Variants in SPTB observed in about 807,000 individuals in gnomAD.
SPTB encodes spectrin beta chain, erythrocytic.
Under a neutral mutation model 256.2 loss-of-function variants are expected in SPTB, and 45 were observed. The observed-to-expected ratio is 0.18, with a 90% CI of 0.14 to 0.23. The LOEUF (loss-of-function observed/expected upper bound fraction) is 0.23. Among genes scored for constraint, SPTB ranks in the 10% least tolerant of loss-of-function variants. The pLI is 1.00. For synonymous variants in SPTB, 1,231 were observed against 1,243.1 expected, an observed-to-expected ratio of 0.99 and a Z score of 0.21; for missense variants, 2,715 against 3,040.4, an observed-to-expected ratio of 0.89 and a Z score of 2.52.
intron 1 of SPTB, among the ~76,000 whole-genome samples, chr14:64,850,415 G>C (rs926991486): frequency 6.6e-6 from 1 of 152,154 alleles, no homozygotes; most frequent in African/African-American, 2.4e-5. Flanking sequence ...CCTCAGACTT[G>C]ATTTTTCAAA....
rs2269309 is a variant in SPTB at position 64,778,167 on chromosome 14, C to T, written c.4563+990G>A. On this transcript the variant is annotated intron_variant, in intron 22 of 35. Coordinates refer to ENST00000644917, the MANE Select transcript of SPTB (RefSeq NM_001355436.2). This position sits in a 1 kb window ranked among gnomAD's most constrained non-coding sequence, Gnocchi z 5.2. ...GCCTCTGCGACTAGATCATGTCAAC[C>T]AGAAGCAAAGGGCCTAAGGCAGCTT... is the stretch of plus-strand genomic sequence containing the variant. Among the ~76,000 whole-genome samples, 26 of 152,288 alleles carry T rather than the reference C, an allele frequency of 1.7e-4. No homozygotes were observed. In the East Asian group the frequency reaches 4.6e-3, roughly 27 times the overall value.
chr14:64,872,633 C>T (rs1377282441), intron 1 of SPTB, among the ~76,000 whole-genome samples: 1 of 152,238 alleles, frequency 6.6e-6, no homozygotes, highest in Non-Finnish European at 1.5e-5. Flanking sequence ...ATTGCTTGGA[C>T]ACAGCAGTGG....
intron 2 of SPTB, among the ~76,000 whole-genome samples, chr14:64,817,602 C>G (rs1231726590): frequency 6.6e-6 from 1 of 152,224 alleles, no homozygotes; most frequent in Admixed American, 6.5e-5. Flanking sequence ...TACTGATGCC[C>G]GTCCACGGGG....
At position 64,759,318 on chromosome 14, in the gene SPTB, G is replaced by T. The variant is rs896031636; in HGVS notation, c.6346-5525C>A. 1.3e-5 allele frequency among the ~76,000 whole-genome samples: 2 copies of T among 152,200 alleles called. No individual in the cohort carries two copies. The highest frequency in any genetic ancestry group is 1.9e-4 in the East Asian group (1 of 5,194). ...CCTGGCTGCGAACCTGCAGTGGGAGGCCTGTGGCCCTGTTGGATCAGTCCT... is the reference window on the plus strand; with the variant it reads ...CCTGGCTGCGAACCTGCAGTGGGAGTCCTGTGGCCCTGTTGGATCAGTCCT... On this transcript the variant is annotated intron_variant, in intron 32 of 35. Transcript: ENST00000644917. The surrounding 1 kb of genome is among the most constrained non-coding windows in gnomAD (Gnocchi z 4.8).
intron 30 of SPTB, 146 bp downstream of exon 30, chr14:64,767,517 C>A: frequency 7.4e-7 from 1 of 1,355,900 alleles, no homozygotes; most frequent in South Asian, 1.2e-5. Context: ...TACTTCCTGC[C>A]ACTTGTCTTT....
intron 1 of SPTB, among the ~76,000 whole-genome samples, chr14:64,875,391 C>T (rs1265902748): frequency 6.6e-6 from 1 of 152,208 alleles, no homozygotes; most frequent in Admixed American, 6.5e-5. Context: ...CACGCAGCAA[C>T]AGAGGGAAAC....
Position 64,774,550 on chromosome 14 carries a change from C to T in SPTB, c.4843-23G>A, listed in dbSNP as rs752990422. On this transcript the variant is annotated intron_variant, in intron 23 of 35. Transcript: ENST00000644917. ...ATCCTAGGAGGCAGCAGACGGTCAG[C>T]GCCAGAGCTCAGTCTGGCCATGATC... The T allele has an allele frequency of 3.0e-5, 46 of 1,551,810 alleles. No homozygotes were observed. In the East Asian group the frequency reaches 5.6e-4, roughly 19 times the overall value.
rs1277485055 is a variant in SPTB, at chr14:64,802,527, C to T, written c.475-210G>A. Among the ~76,000 whole-genome samples the T allele has an allele frequency of 6.6e-6, 1 of 152,126 alleles. No homozygotes were observed. Among genetic ancestry groups the T allele is most frequent in the Non-Finnish European group, 1.5e-5 (1 of 68,016 alleles). On this transcript the variant is annotated intron_variant, in intron 4 of 35. Transcript: ENST00000644917. This position sits in a 1 kb window ranked among gnomAD's most constrained non-coding sequence, Gnocchi z 5.1. ...TTTCCTTCTCTCTCCTAGATGCTCC[C>T]TGAGCCCAGGGAAATCTGTCTTGGT...
At chr14:64,755,856 C>T (rs536311766) in intron 32 of SPTB, 1 of 152,164 alleles carries the variant, frequency 6.6e-6, no homozygotes, top group Non-Finnish European at 1.5e-5. Context: ...GGAGAAATTC[C>T]TACGAGATAT....
Position 64,769,618 on chromosome 14 carries a change from A to T in SPTB, c.5909T>A (p.Leu1970Gln), listed in dbSNP as rs1280691745. ...SACLELGESL[L>Q]QRQHQASEEI... ...CTCTGAGGCCTGGTGCTGCCGCTGC[A>T]GCAGGGACTCGCCAAGCTCCAGGCA... The change falls in exon 28 of 36, where the codon CTG (leucine) becomes CAG (glutamine). Residue 1970 changes from leucine to glutamine, a missense_variant. Leu to Gln is a moderately radical substitution (Grantham distance 113). Transcript: ENST00000644917. 3 of 1,614,058 alleles carry T rather than the reference A, an allele frequency of 1.9e-6. No homozygotes were observed. The highest frequency in any genetic ancestry group is 2.5e-6 in the Non-Finnish European group (3 of 1,180,038).
chr14:64,787,208 A>C, intron 15 of SPTB, 48 bp from the exon 16 acceptor site: 2 of 1,597,576 alleles, frequency 1.3e-6, no homozygotes, highest in Non-Finnish European at 1.7e-6. Context: ...CTTCTCCCTT[A>C]GCTCTTCTTC....
chr14:64,841,269 G>T lies in SPTB; in HGVS notation c.-51-18124C>A, dbSNP rs893016930. Among the ~76,000 whole-genome samples, 1 of 152,282 alleles carries T rather than the reference G, an allele frequency of 6.6e-6. No individual in the cohort carries two copies. The highest frequency in any genetic ancestry group is 3.4e-3 in the Middle Eastern group (1 of 294). On this transcript the variant is annotated intron_variant, in intron 1 of 35. Transcript: ENST00000644917. The surrounding 1 kb of genome is among the most constrained non-coding windows in gnomAD (Gnocchi z 4.6). ...TAAATGACAGAGCCAGGATTCAAAC[G>T]CAGGCAGTCTGAGTCAGAGCCCCTG...
chr14:64,875,895 G>A (rs983127853), intron 1 of SPTB, among the ~76,000 whole-genome samples: 1 of 151,994 alleles, frequency 6.6e-6, no homozygotes, highest in South Asian at 2.1e-4. Context: ...TTAATCTGTA[G>A]GTCTCAGGTT....
intron 29 of SPTB, 46 bp downstream of exon 29, chr14:64,768,988 C>T (rs1167901594): frequency 1.4e-5 from 21 of 1,487,820 alleles, no homozygotes; most frequent in South Asian, 7.9e-5. Context: ...CCTACTCCTG[C>T]GGGGGTACTC....
rs140648376 is a variant in SPTB, at chr14:64,775,297, T to C, written c.4670A>G (p.Glu1557Gly). Residue 1557 changes from glutamate to glycine, a missense_variant, in exon 23 of 36, where the codon GAG becomes GGG. Around this residue, in one of 4 missense-constraint regions of SPTB, gnomAD observed 2,239 missense variants for 2,384.4 expected, o/e 0.94. Coordinates refer to ENST00000644917, the MANE Select transcript of SPTB (RefSeq NM_001355436.2). This position sits in a 1 kb window ranked among gnomAD's most constrained non-coding sequence, Gnocchi z 5.0. ...GGAGCTCTGCAGGTGCCCCAGGCGC[T>C]CCTCAAGGTCCTGGCAGTCGATCTC... Reference protein sequence around the residue: ...AAEIDCQDLEERLGHLQSSWD... With the variant: ...AAEIDCQDLEGRLGHLQSSWD... 1.8e-3 allele frequency: 2,977 copies of C among 1,613,236 alleles called. 2 individuals carry two copies. The highest frequency in any genetic ancestry group is 2.4e-3 in the Non-Finnish European group (2,832 of 1,179,746).
rs191431329 is a variant in SPTB at position 64,826,788 on chromosome 14, G to C, written c.-51-3643C>G. Among the ~76,000 whole-genome samples, 1 of 152,150 alleles carries C rather than the reference G, an allele frequency of 6.6e-6. No homozygotes were observed. Among genetic ancestry groups the C allele is most frequent in the East Asian group, 1.9e-4 (1 of 5,172 alleles). On this transcript the variant is annotated intron_variant, in intron 1 of 35. Transcript: ENST00000644917. This position sits in a 1 kb window ranked among gnomAD's most constrained non-coding sequence, Gnocchi z 4.4. ...ATCCATCCATCCACCTGCCCGTCTA[G>C]CAGCTCTAAATGCACAGTCCAGAGT... is the stretch of plus-strand genomic sequence containing the variant.
intron 1 of SPTB, among the ~76,000 whole-genome samples, chr14:64,830,334 CTTATTATT>C (rs1483864410): frequency 2.2e-5 from 3 of 138,580 alleles, no homozygotes; most frequent in Admixed American, 7.3e-5. Context: ...ACTCTGGAGT[CTTATTATT>C]ATTATTATTA....
chr14:64,859,234 AC>A (rs1157313801), intron 1 of SPTB, among the ~76,000 whole-genome samples: 4 of 152,246 alleles, frequency 2.6e-5, no homozygotes, highest in African/African-American at 9.6e-5. Context: ...AGTCTGGGCG[AC>A]AGAGCGAGAC....
rs2082722671 is a variant in SPTB, at chr14:64,793,961, C to G, written c.1796-94G>C. 3.8e-6 allele frequency: 5 copies of G among 1,328,658 alleles called. No homozygotes were observed. The highest frequency in any genetic ancestry group is 2.9e-5 in the South Asian group (2 of 68,364). The allele number at this position is 1,328,658 out of a possible 1,614,324, so 82.3% of individuals were successfully genotyped here. A position where few individuals can be genotyped will look rare whatever the true frequency, so the allele number is the denominator to read the frequency against. The stretch of plus-strand genomic sequence containing the variant: ...GCTGCTAGGTTGGAACTACACAACC[C>G]TGAAGCTGCCATGTCACTGGGGCTT... On this transcript the variant is annotated intron_variant, in intron 13 of 35. Transcript: ENST00000644917. This position sits in a 1 kb window ranked among gnomAD's most constrained non-coding sequence, Gnocchi z 7.0.
Sources: allele counts gnomAD v4.1 joint callset (sites outside exome capture counted in the v4.1 genomes callset), GRCh38; gene constraint gnomAD v4.1.1; regional missense constraint gnomAD v4.1.1; non-coding constraint Gnocchi (gnomAD v3.1); transcripts MANE v1.5; gene names NCBI Gene and HGNC (gene_info 2026-07-23, HGNC 2026-07-21).